The following P2RX7 variants were observed in gnomAD, a reference collection of about 807,000 sequenced individuals.
The protein encoded by P2RX7 is purinergic receptor P2X 7.
P2RX7 carries 62 observed loss-of-function variants against 71.6 expected under a neutral mutation model. The ratio of observed to expected loss-of-function variants is 0.87; its 90% CI spans 0.71 to 1.07. P2RX7 has a LOEUF of 1.07. Among genes scored for constraint, P2RX7 ranks in the 50% least tolerant of loss-of-function variants. The pLI, the probability that P2RX7 is intolerant of heterozygous loss-of-function variation, is 0.00. For synonymous variants in P2RX7, 299 were observed against 283.3 expected (o/e 1.06, Z -0.56); for missense variants, 686 against 748.5 (o/e 0.92, Z 0.97).
intron 3 of P2RX7, among the ~76,000 whole-genome samples, chr12:121,160,268 C>T (rs1879401309): frequency 1.3e-5 from 2 of 152,116 alleles, no homozygotes; most frequent in South Asian, 4.1e-4. Context: ...CTGCCTCAGC[C>T]CCCCTAGTAG....
In P2RX7 at chr12:121,154,290, C is replaced by CA. The variant is rs58387580; in HGVS notation, c.126-482dup. On this transcript the variant is annotated intron_variant, in intron 1 of 12. Coordinates refer to ENST00000328963, the MANE Select transcript of P2RX7 (RefSeq NM_002562.6). This position sits in a 1 kb window ranked among gnomAD's most constrained non-coding sequence, Gnocchi z 4.2. ...GGGCAACAAGAGCAAAACTCTGTTT[C>CA]AAAAAAAAAAAAAGAGAGAGAGAGA... Among the ~76,000 whole-genome samples the CA allele has an allele frequency of 0.14, 18,392 of 127,628 alleles. 1,388 individuals are homozygous for CA. Among genetic ancestry groups the CA allele is most frequent in the East Asian group, 0.34 (1,581 of 4,674 alleles). 83.7% of individuals were successfully genotyped at this position (127,628 alleles called of 152,430 possible). A position where few individuals can be genotyped will look rare whatever the true frequency, so the allele number is the denominator to read the frequency against.
Position 121,149,001 on chromosome 12 carries a change from C to G in P2RX7, c.126-5784C>G. 1.9e-6 allele frequency: 1 copy of G among 518,396 alleles called. No homozygotes were observed. The highest frequency in any genetic ancestry group is 3.8e-6 in the Non-Finnish European group (1 of 261,874). 32.1% of individuals were successfully genotyped at this position (518,396 alleles called of 1,614,324 possible). A position where few individuals can be genotyped will look rare whatever the true frequency, so the allele number is the denominator to read the frequency against. ...TTTGATGTTACCTTTGCGCTGGAAG[C>G]CCAGGGGCTGTAAGACGGAGAGGAA... On this transcript the variant is annotated intron_variant, in intron 1 of 12. Transcript: ENST00000328963. This position sits in a 1 kb window ranked among gnomAD's most constrained non-coding sequence, Gnocchi z 4.7.
intron 12 of P2RX7, among the ~76,000 whole-genome samples, chr12:121,182,060 C>G (rs1371747891): frequency 1.0e-5 from 1 of 98,450 alleles, no homozygotes; most frequent in Non-Finnish European, 2.1e-5. Flanking sequence ...CAAGCTCCAT[C>G]TAAAAAAAAA....
intron 12 of P2RX7, among the ~76,000 whole-genome samples, chr12:121,183,279 A>G (rs1257889159): frequency 2.0e-5 from 3 of 151,972 alleles, no homozygotes; most frequent in African/African-American, 7.2e-5. Context: ...TTTGTTAAAA[A>G]CTAAGTCATG....
rs764829677 is a variant in P2RX7 at position 121,132,953 on chromosome 12, G to A, written c.-18G>A. The A allele has an allele frequency of 1.4e-5, 22 of 1,613,364 alleles. No homozygotes were observed. The highest frequency in any genetic ancestry group is 1.9e-5 in the Non-Finnish European group (22 of 1,179,998). On this transcript the variant is annotated 5_prime_UTR_variant, in exon 1 of 13. Coordinates refer to ENST00000328963, the MANE Select transcript of P2RX7 (RefSeq NM_002562.6). ...TAGAGCTCTGGTCCAGCTCCGCGCA[G>A]GGAGGGAGGCTGTCACCATGCCGGC...
chr12:121,161,962 C>T (rs1412929039), intron 4 of P2RX7, among the ~76,000 whole-genome samples: 3 of 152,102 alleles, frequency 2.0e-5, no homozygotes, highest in Non-Finnish European at 4.4e-5. Flanking sequence ...ACATTGCTCA[C>T]TATTTAATTA....
intron 12 of P2RX7, among the ~76,000 whole-genome samples, chr12:121,180,691 G>A (rs201487144): frequency 2.0e-5 from 3 of 151,880 alleles, no homozygotes; most frequent in East Asian, 1.9e-4. Context: ...GGCTGGGCAC[G>A]GTGGCTCACA....
intron 8 of P2RX7, among the ~76,000 whole-genome samples, chr12:121,173,107 G>A (rs562002779): frequency 1.4e-4 from 22 of 152,290 alleles, no homozygotes; most frequent in Non-Finnish European, 2.9e-4. Context: ...GATGATTTGT[G>A]CCTGGCGCTT....
intron 1 of P2RX7, among the ~76,000 whole-genome samples, chr12:121,136,328 CT>C (rs1873646490): frequency 2.0e-5 from 3 of 151,386 alleles, no homozygotes; most frequent in African/African-American, 7.3e-5. Flanking sequence ...CTTTTTATTT[CT>C]TTTTTAGAGA....
intron 8 of P2RX7, among the ~76,000 whole-genome samples, chr12:121,170,753 G>A (rs1653616): frequency 0.39 from 59,131 of 151,954 alleles, 11,959 homozygotes; most frequent in African/African-American, 0.45. Context: ...CAGCCTGGGC[G>A]ACAGAGCAAA....
intron 1 of P2RX7, among the ~76,000 whole-genome samples, chr12:121,140,714 T>A (rs993353411): frequency 3.2e-4 from 48 of 152,170 alleles, no homozygotes; most frequent in African/African-American, 1.2e-3. Flanking sequence ...GAGACTGCCG[T>A]GAGCTGTGAT....
chr12:121,177,377 C>T lies in P2RX7; in HGVS notation c.1119C>T (p.Cys373=). 2.5e-6 allele frequency: 4 copies of T among 1,614,004 alleles called. No homozygotes were observed. The highest frequency in any genetic ancestry group is 3.4e-6 in the Non-Finnish European group (4 of 1,180,016). ...CRSHIYPWCK[C]CQPCVVNEYY... The stretch of plus-strand genomic sequence containing the variant: ...CCCATATTTATCCCTGGTGCAAGTG[C>T]TGTCAGCCCTGTGTGGTCAACGAAT... Residue 373 remains cysteine, a synonymous_variant, in exon 11 of 13, where the codon TGC becomes TGT. Transcript: ENST00000328963.
intron 8 of P2RX7, among the ~76,000 whole-genome samples, chr12:121,168,986 A>T (rs1426409984): frequency 6.6e-6 from 1 of 151,690 alleles, no homozygotes; most frequent in Non-Finnish European, 1.5e-5. Context: ...TTTTTCTGAG[A>T]CAGAGTCTCA....
At chr12:121,136,247 G>A (rs891405189) in intron 1 of P2RX7, among the ~76,000 whole-genome samples, 9 of 151,176 alleles carry the variant, frequency 6.0e-5, no homozygotes, top group African/African-American at 1.7e-4. Flanking sequence ...GCATTAATAC[G>A]TAGATTGTAT....
At chr12:121,168,154 G>C (rs903941108) in intron 8 of P2RX7, among the ~76,000 whole-genome samples, 1 of 151,954 alleles carries the variant, frequency 6.6e-6, no homozygotes, top group African/African-American at 2.4e-5. Flanking sequence ...ATTCTGCGGG[G>C]TTTTTCATAC....
In P2RX7 at chr12:121,137,227, T is replaced by G. The variant is rs572747525; in HGVS notation, c.125+4132T>G. Among the ~76,000 whole-genome samples, 18 of 152,284 alleles carry G rather than the reference T, an allele frequency of 1.2e-4. No individual in the cohort carries two copies. The South Asian group carries it at 3.1e-3, about 26-fold the overall frequency. Reference sequence around the variant, plus strand: ...CCGTCAATCTCTGTTCCCACGTGCTTTTTAGCGAGCATCTTGCTGCTCTAC... The same window carrying G: ...CCGTCAATCTCTGTTCCCACGTGCTGTTTAGCGAGCATCTTGCTGCTCTAC... On this transcript the variant is annotated intron_variant, in intron 1 of 12. Coordinates refer to ENST00000328963, the MANE Select transcript of P2RX7 (RefSeq NM_002562.6).
chr12:121,134,260 G>T (rs1418549394), intron 1 of P2RX7, among the ~76,000 whole-genome samples: 1 of 152,090 alleles, frequency 6.6e-6, no homozygotes, highest in Non-Finnish European at 1.5e-5. Context: ...TTCACCTTTG[G>T]GGGGAATGTG....
intron 4 of P2RX7, 105 bp downstream of exon 4, chr12:121,161,079 C>T: frequency 1.2e-6 from 1 of 859,366 alleles, no homozygotes; most frequent in Non-Finnish European, 2.0e-6. Flanking sequence ...CTCAGCTGCC[C>T]TCTTCCACCA....
chr12:121,156,173 G>A, intron 3 of P2RX7, 26 bp downstream of exon 3: 1 of 1,598,456 alleles, frequency 6.3e-7, no homozygotes, highest in Non-Finnish European at 8.6e-7. Flanking sequence ...GGAGTGGTGG[G>A]TCAGGTCTTA....
Sources: allele counts gnomAD v4.1 joint callset (sites outside exome capture counted in the v4.1 genomes callset), GRCh38; gene constraint gnomAD v4.1.1; non-coding constraint Gnocchi (gnomAD v3.1); transcripts MANE v1.5; gene names NCBI Gene and HGNC (gene_info 2026-07-23, HGNC 2026-07-21).